LPCAT1: variants seen among roughly 807,000 people sequenced by gnomAD.
The protein encoded by LPCAT1 is 1-acylglycerol-3-phosphate O-acyltransferase.
LPCAT1 carries 23 observed loss-of-function variants against 60.9 expected under a neutral mutation model. The observed-to-expected ratio is 0.38, with a 90% confidence interval of 0.27 to 0.53. LPCAT1 has a LOEUF of 0.53. Among genes scored for constraint, LPCAT1 ranks in the 20% least tolerant of loss-of-function variants. LPCAT1 has a pLI of 0.82. For missense variants in LPCAT1, 622 were observed against 723.6 expected (o/e 0.86, Z 1.61); for synonymous variants, 340 against 301.1 (o/e 1.13, Z -1.34).
At chr5:1,467,566 CG>C (rs1451913249) in intron 12 of LPCAT1, among the ~76,000 whole-genome samples, 1 of 152,162 alleles carries the variant, frequency 6.6e-6, no homozygotes, top group Non-Finnish European at 1.5e-5. Context: ...CACAACTCCA[CG>C]GCGCTCCCCT....
chr5:1,519,228 C>T (rs562035545), intron 1 of LPCAT1, among the ~76,000 whole-genome samples: 4 of 152,192 alleles, frequency 2.6e-5, no homozygotes, highest in East Asian at 3.8e-4. Flanking sequence ...AAACTATGTG[C>T]GTGAGCTTCT....
Position 1,495,004 on chromosome 5 carries a change from C to A in LPCAT1, c.279-90G>T, listed in dbSNP as rs1735733071. On this transcript the variant is annotated intron_variant, in intron 2 of 13. Coordinates refer to ENST00000283415, the MANE Select transcript of LPCAT1 (RefSeq NM_024830.5). This position sits in a 1 kb window ranked among gnomAD's most constrained non-coding sequence, Gnocchi z 4.7. ...AGGGGCGGTCCCACGGGAGAGCCCT[C>A]CAGGGCGCAGTCCAGGCCACGGGCT... 4 of 1,259,566 alleles carry A rather than the reference C, an allele frequency of 3.2e-6. No homozygotes were observed. The highest frequency in any genetic ancestry group is 3.3e-6 in the Non-Finnish European group (3 of 906,034). The allele number at this position is 1,259,566 out of a possible 1,614,324, so 78.0% of individuals were successfully genotyped here.
Position 1,496,388 on chromosome 5 carries a change from G to T in LPCAT1, c.279-1474C>A, listed in dbSNP as rs1297785593. On this transcript the variant is annotated intron_variant, in intron 2 of 13. Coordinates refer to ENST00000283415, the MANE Select transcript of LPCAT1 (RefSeq NM_024830.5). This position sits in a 1 kb window ranked among gnomAD's most constrained non-coding sequence, Gnocchi z 4.7. ...GAAAACTAAACTAAAAAATAAAGATGTACTCTTCTGTGCACATGTTATTTT... is the reference window on the plus strand; with the variant it reads ...GAAAACTAAACTAAAAAATAAAGATTTACTCTTCTGTGCACATGTTATTTT... 2.0e-5 allele frequency among the ~76,000 whole-genome samples: 3 copies of T among 147,884 alleles called. No individual in the cohort carries two copies. The highest frequency in any genetic ancestry group is 1.4e-4 in the Admixed American group (2 of 14,798).
At position 1,487,372 on chromosome 5, in the gene LPCAT1, A is replaced by G. The variant is rs1312626694; in HGVS notation, c.667+1019T>C. On this transcript the variant is annotated intron_variant, in intron 5 of 13. Transcript: ENST00000283415. This position sits in a 1 kb window ranked among gnomAD's most constrained non-coding sequence, Gnocchi z 6.1. ...ACTCAGAACCACGCGTGGTGAAGAC[A>G]ATGGAACGGGAAGACCCAGTACCTT... Among the ~76,000 whole-genome samples the G allele has an allele frequency of 6.6e-6, 1 of 152,180 alleles. No individual in the cohort carries two copies. The highest frequency in any genetic ancestry group is 2.4e-5 in the African/African-American group (1 of 41,450).
At chr5:1,513,683 C>T (rs938925156) in intron 1 of LPCAT1, among the ~76,000 whole-genome samples, 8 of 150,778 alleles carry the variant, frequency 5.3e-5, no homozygotes, top group African/African-American at 7.4e-5. Context: ...ACCCGTGGGG[C>T]GGGACACCCT....
intron 11 of LPCAT1, 61 bp downstream of exon 11, chr5:1,473,896 T>A (rs1428171463): frequency 6.4e-7 from 1 of 1,574,160 alleles, no homozygotes; most frequent in East Asian, 2.3e-5. Context: ...ATGAGAACAA[T>A]TTATGCTTCA....
At chr5:1,497,528 C>A (rs1411839406) in intron 2 of LPCAT1, among the ~76,000 whole-genome samples, 1 of 152,230 alleles carries the variant, frequency 6.6e-6, no homozygotes. Context: ...AAGGAAGGGG[C>A]CCTGGGGCCA....
rs746382072 is a variant in LPCAT1, at chr5:1,494,795, G to A, written c.398C>T (p.Ala133Val). 3 of 1,614,128 alleles carry A rather than the reference G, an allele frequency of 1.9e-6. No homozygotes were observed. The highest frequency in any genetic ancestry group is 1.7e-6 in the Non-Finnish European group (2 of 1,180,014). The change falls in exon 3 of 14, where the codon GCG (alanine) becomes GTG (valine). Residue 133 changes from alanine to valine, a missense_variant. Ala to Val is a moderately conservative substitution (Grantham distance 64, BLOSUM62 0). This residue lies in a region of LPCAT1 where 209 missense variants were observed against 325.5 expected (regional missense o/e 0.64). Coordinates refer to ENST00000283415, the MANE Select transcript of LPCAT1 (RefSeq NM_024830.5). ...LPTEAAILTL[A>V]PHSSYFDAIP... ...GGCGTCGAAGTAGGACGAGTGAGGC[G>A]CGAGCGTGAGGATGGCCGCCTCGGT...
rs1252546273 is a variant in LPCAT1 at position 1,487,767 on chromosome 5, CCT to C, written c.667+622_667+623del. 1.3e-5 allele frequency among the ~76,000 whole-genome samples: 2 copies of C among 152,106 alleles called. No individual in the cohort carries two copies. The highest frequency in any genetic ancestry group is 4.1e-4 in the South Asian group (2 of 4,824). On this transcript the variant is annotated intron_variant, in intron 5 of 13. Coordinates refer to ENST00000283415, the MANE Select transcript of LPCAT1 (RefSeq NM_024830.5). The surrounding 1 kb of genome is among the most constrained non-coding windows in gnomAD (Gnocchi z 6.1). Reference sequence around the variant, plus strand: ...GGGAGACGACAGGATCCAGGTGGACCCTCTGACACGCCCAAGGGTGTGCAGAA... The same window carrying C: ...GGGAGACGACAGGATCCAGGTGGACCCTGACACGCCCAAGGGTGTGCAGAA...
rs781490475 is a variant in LPCAT1 at position 1,463,711 on chromosome 5, G to C, written c.1545C>G (p.Ala515=). 15 of 1,614,132 alleles carry C rather than the reference G, an allele frequency of 9.3e-6. No homozygotes were observed. Among genetic ancestry groups the C allele is most frequent in the African/African-American group, 1.3e-5 (1 of 74,958 alleles). ...CGTCTGAGTTTTCCGGGCTGAAATCGGCACAGAAGCCGTTTGGGATTGGCG... is the reference window on the plus strand; with the variant it reads ...CGTCTGAGTTTTCCGGGCTGAAATCCGCACAGAAGCCGTTTGGGATTGGCG... ...SPAPIPNGFC[A]DFSPENSDAG... is the part of the protein sequence containing the mutation. The change falls in exon 14 of 14, where the codon GCC becomes GCG. Residue 515 remains alanine, a synonymous_variant. Transcript: ENST00000283415.
chr5:1,480,400 G>A lies in LPCAT1; in HGVS notation c.761+542C>T, dbSNP rs1477726290. On this transcript the variant is annotated intron_variant, in intron 7 of 13. Transcript: ENST00000283415. This position sits in a 1 kb window ranked among gnomAD's most constrained non-coding sequence, Gnocchi z 6.4. The stretch of plus-strand genomic sequence containing the variant: ...TTCCCGCTCCCTCTGCCCTCCCGAC[G>A]TCAGCTCAGACGTCAGCACCCAGGA... The A allele has an allele frequency of 3.8e-5, 37 of 984,970 alleles. No homozygotes were observed. In the East Asian group the frequency reaches 5.7e-4, roughly 15 times the overall value. The allele number at this position is 984,970 out of a possible 1,614,324, so 61.0% of individuals were successfully genotyped here.
chr5:1,503,188 G>A (rs566894414), intron 1 of LPCAT1, among the ~76,000 whole-genome samples: 2 of 152,184 alleles, frequency 1.3e-5, no homozygotes, highest in African/African-American at 4.8e-5. Flanking sequence ...CCCGCTTCTG[G>A]GGGCTGCTCC....
At chr5:1,475,073 C>T (rs955998900) in intron 9 of LPCAT1, among the ~76,000 whole-genome samples, 4 of 152,238 alleles carry the variant, frequency 2.6e-5, no homozygotes, top group African/African-American at 9.6e-5. Flanking sequence ...AATAGGCTTG[C>T]TCAACACAGG....
At chr5:1,501,428 C>T (rs771968421) in intron 2 of LPCAT1, 33 bp downstream of exon 2, 8 of 1,582,846 alleles carry the variant, frequency 5.1e-6, no homozygotes, top group South Asian at 3.4e-5. Flanking sequence ...TGACCCCCCC[C>T]CAGGAGGAGA....
At chr5:1,465,200 AACTAAAC>A (rs961819353) in intron 13 of LPCAT1, among the ~76,000 whole-genome samples, 2 of 142,692 alleles carry the variant, frequency 1.4e-5, no homozygotes, top group African/African-American at 5.4e-5. Context: ...CGCACACAGT[AACTAAAC>A]ACACATGCGT....
rs765810909 is a variant in LPCAT1, at chr5:1,466,741, G to A, written c.1420+8C>T. On this transcript the variant is annotated splice_region_variant and intron_variant, in intron 13 of 13. Transcript: ENST00000283415. The stretch of plus-strand genomic sequence containing the variant: ...GTCGCGAGGACGACCCCACTCCTGC[G>A]GGCTCACCGAATGTGATCTTCCCCT... 1.6e-5 allele frequency: 25 copies of A among 1,607,616 alleles called. No homozygotes were observed. The highest frequency in any genetic ancestry group is 2.3e-5 in the East Asian group (1 of 44,440).
chr5:1,493,593 GC>G (rs1735669080), intron 3 of LPCAT1, among the ~76,000 whole-genome samples: 1 of 152,236 alleles, frequency 6.6e-6, no homozygotes, highest in Non-Finnish European at 1.5e-5. Flanking sequence ...GACCCGCTGT[GC>G]CCCAGAACGT....
chr5:1,508,054 G>A (rs546453805), intron 1 of LPCAT1, among the ~76,000 whole-genome samples: 2 of 152,336 alleles, frequency 1.3e-5, no homozygotes, highest in East Asian at 1.9e-4. Flanking sequence ...CTATTGACCC[G>A]GAGGGGGTCC....
In LPCAT1 at chr5:1,483,473, A is replaced by C. The variant is rs200167035; in HGVS notation, c.681T>G (p.Pro227=). 199 of 1,613,630 alleles carry C rather than the reference A, an allele frequency of 1.2e-4. 1 individual carries two copies. The East Asian group carries it at 3.8e-3, about 31-fold the overall frequency. Residue 227 remains proline, a synonymous_variant, in exon 6 of 14, where the codon CCT becomes CCG. Coordinates refer to ENST00000283415, the MANE Select transcript of LPCAT1 (RefSeq NM_024830.5). This position sits in a 1 kb window ranked among gnomAD's most constrained non-coding sequence, Gnocchi z 9.2. ...LITFKPGAFI[P]GAPVQPVVLR... ...AAACCACAGGCTGGACGGGCGCTCC[A>C]GGGATGAATGCACCTGCCGAGAAAG...
Sources: gnomAD v4.1 joint callset for allele counts (sites outside exome capture counted in the v4.1 genomes callset) on GRCh38, gnomAD v4.1.1 for gene constraint, gnomAD v4.1.1 regional missense constraint, Gnocchi (gnomAD v3.1) non-coding constraint, MANE v1.5 for transcripts, NCBI Gene and HGNC (gene_info 2026-07-23, HGNC 2026-07-21) for gene names.